Variants in DYM observed in about 807,000 individuals in gnomAD.
DYM encodes dymeclin, also known as dyggve-Melchior-Clausen syndrome protein.
DYM carries 78 observed loss-of-function variants against 93.1 expected under a neutral mutation model. The observed-to-expected ratio is 0.84, with a 90% confidence interval of 0.70 to 1.01. The LOEUF (loss-of-function observed/expected upper bound fraction) is 1.01, where lower values mean the gene tolerates loss of function less well. DYM is among the 50% of genes least tolerant of loss of function. DYM has a pLI of 0.00. For synonymous variants in DYM, 321 were observed against 319.7 expected, an observed-to-expected ratio of 1.00 and a Z score of -0.04; for missense variants, 789 against 845.0, an observed-to-expected ratio of 0.93 and a Z score of 0.82.
At chr18:49,061,127 G>T (rs2144645052) in intron 17 of DYM, among the ~76,000 whole-genome samples, 1 of 152,228 alleles carries the variant, frequency 6.6e-6, no homozygotes, top group Non-Finnish European at 1.5e-5. Flanking sequence ...TCTAGACATG[G>T]AGATAAAACA....
intron 15 of DYM, among the ~76,000 whole-genome samples, chr18:49,155,327 A>C (rs2086276788): frequency 6.6e-6 from 1 of 152,200 alleles, no homozygotes; most frequent in African/African-American, 2.4e-5. Flanking sequence ...CACACCCAAC[A>C]AATAGCTCTC....
At chr18:49,123,613 A>C (rs2082565195) in intron 15 of DYM, among the ~76,000 whole-genome samples, 1 of 152,296 alleles carries the variant, frequency 6.6e-6, no homozygotes, top group South Asian at 2.1e-4. Flanking sequence ...CACTGTTCTG[A>C]CTGCTTTTTC....
chr18:49,215,431 A>G (rs2092987027), intron 13 of DYM, among the ~76,000 whole-genome samples: 1 of 152,202 alleles, frequency 6.6e-6, no homozygotes, highest in Non-Finnish European at 1.5e-5. Flanking sequence ...CCCAGACAAA[A>G]TCTTGTTAGT....
intron 17 of DYM, among the ~76,000 whole-genome samples, chr18:49,080,616 G>T (rs1172945393): frequency 1.4e-5 from 2 of 145,758 alleles, no homozygotes; most frequent in Non-Finnish European, 1.5e-5. Flanking sequence ...CCTCCTGGAC[G>T]GGGCGGCTGG....
At chr18:49,355,466 T>C (rs1001632796) in intron 6 of DYM, among the ~76,000 whole-genome samples, 3 of 152,042 alleles carry the variant, frequency 2.0e-5, no homozygotes, top group East Asian at 1.9e-4. Context: ...ACAGATACAA[T>C]AGATATATTG....
intron 6 of DYM, among the ~76,000 whole-genome samples, chr18:49,342,580 T>C (rs1437606336): frequency 2.0e-5 from 3 of 152,170 alleles, no homozygotes; most frequent in Non-Finnish European, 2.9e-5. Context: ...ATATTACTCA[T>C]TGTTATACTA....
In DYM at chr18:49,114,595, C is replaced by A. The variant is rs1013882396; in HGVS notation, c.1911+4149G>T. The A allele has an allele frequency of 7.1e-6, 7 of 984,894 alleles. No homozygotes were observed. The African/African-American group carries it at 1.2e-4, about 17-fold the overall frequency. The allele number at this position is 984,894 out of a possible 1,614,324, so 61.0% of individuals were successfully genotyped here. Reference sequence around the variant, plus strand: ...GTTTCAAATGGATGTAGTTTAAATTCTTTGCATGGTTCTGTGTGTCCTGAT... The same window carrying A: ...GTTTCAAATGGATGTAGTTTAAATTATTTGCATGGTTCTGTGTGTCCTGAT... On this transcript the variant is annotated intron_variant, in intron 16 of 17. Transcript: ENST00000675505.
intron 16 of DYM, among the ~76,000 whole-genome samples, chr18:49,104,802 T>C (rs551181767): frequency 1.3e-5 from 2 of 152,340 alleles, no homozygotes; most frequent in East Asian, 3.9e-4. Flanking sequence ...TGCTGCTGGA[T>C]TTGGTTTGCC....
intron 8 of DYM, among the ~76,000 whole-genome samples, chr18:49,294,508 A>G (rs772613165): frequency 6.6e-6 from 1 of 152,002 alleles, no homozygotes; most frequent in South Asian, 2.1e-4. Flanking sequence ...GTGGTTGACA[A>G]TTCAAGTTTT....
chr18:49,264,316 A>T (rs2094536345), intron 11 of DYM, among the ~76,000 whole-genome samples: 2 of 152,040 alleles, frequency 1.3e-5, no homozygotes, highest in Non-Finnish European at 2.9e-5. Context: ...GTAAACCCTG[A>T]AATGGAACTT....
intron 17 of DYM, 175 bp downstream of exon 17, chr18:49,097,226 GA>G: frequency 6.1e-6 from 4 of 651,022 alleles, no homozygotes; most frequent in Non-Finnish European, 8.3e-6. Context: ...GCAGTGGCAT[GA>G]AAGTATTAAT....
At chr18:49,250,751 A>C (rs990865675) in intron 13 of DYM, among the ~76,000 whole-genome samples, 1 of 152,236 alleles carries the variant, frequency 6.6e-6, no homozygotes, top group South Asian at 2.1e-4. Flanking sequence ...GAGGTGACAC[A>C]AAGAACTGCC....
intron 17 of DYM, among the ~76,000 whole-genome samples, chr18:49,096,460 C>T (rs957162027): frequency 1.3e-5 from 2 of 152,178 alleles, no homozygotes; most frequent in Non-Finnish European, 2.9e-5. Flanking sequence ...AGTAACAACA[C>T]TGGAACAGAC....
At chr18:49,099,710 AC>A (rs1357101642) in intron 16 of DYM, among the ~76,000 whole-genome samples, 2 of 152,152 alleles carry the variant, frequency 1.3e-5, no homozygotes, top group African/African-American at 2.4e-5. Context: ...ATTTCACATG[AC>A]CATCAGCAAG....
At chr18:49,232,697 G>A (rs896495020) in intron 13 of DYM, among the ~76,000 whole-genome samples, 22 of 144,704 alleles carry the variant, frequency 1.5e-4, no homozygotes, top group East Asian at 2.1e-4. Context: ...CAACCTCTGC[G>A]TCCCGGGTTC....
intron 16 of DYM, among the ~76,000 whole-genome samples, chr18:49,108,902 AT>A (rs1177305909): frequency 1.3e-5 from 2 of 152,280 alleles, no homozygotes; most frequent in African/African-American, 4.8e-5. Flanking sequence ...TTGTATACAC[AT>A]TTATGGTTGT....
rs562322485 is a variant in DYM at position 49,095,013 on chromosome 18, CTTA to C, written c.2025+2386_2025+2388del. The stretch of plus-strand genomic sequence containing the variant: ...TATTATTCCACATTTTCATAGAGGG[CTTA>C]TTAAGACAGCATTTCCAATTTGAAA... On this transcript the variant is annotated intron_variant, in intron 17 of 17. Coordinates refer to ENST00000675505, the MANE Select transcript of DYM (RefSeq NM_001353214.3). Among the ~76,000 whole-genome samples the C allele has an allele frequency of 1.6e-3, 248 of 152,216 alleles. 2 individuals are homozygous for C. The highest frequency in any genetic ancestry group is 5.6e-3 in the African/African-American group (232 of 41,512).
At chr18:49,363,101 C>G in intron 6 of DYM, 60 bp downstream of exon 6, 2 of 1,358,048 alleles carry the variant, frequency 1.5e-6, no homozygotes, top group Non-Finnish European at 2.1e-6. Context: ...TCAACATGAT[C>G]AATGATTATC....
chr18:49,215,371 C>T (rs373367224), intron 13 of DYM, among the ~76,000 whole-genome samples: 2 of 152,326 alleles, frequency 1.3e-5, no homozygotes, highest in East Asian at 3.9e-4. Flanking sequence ...GGGAGAAGTA[C>T]TTTCTCACTG....
Sources: allele counts gnomAD v4.1 joint callset (sites outside exome capture counted in the v4.1 genomes callset), GRCh38; gene constraint gnomAD v4.1.1; transcripts MANE v1.5; gene names NCBI Gene and HGNC (gene_info 2026-07-23, HGNC 2026-07-21).